RBM28: variants seen among roughly 807,000 people sequenced by gnomAD.
RBM28 encodes the protein RNA binding motif protein 28, also known as RNA-binding protein 28.
RBM28 carries 78 observed loss-of-function variants against 98.3 expected under a neutral mutation model. The observed-to-expected ratio is 0.79, with a 90% CI of 0.66 to 0.96. The LOEUF (loss-of-function observed/expected upper bound fraction) is 0.96. Ranked by LOEUF, RBM28 falls within the 40% of genes least tolerant of loss-of-function variation. The pLI is 0.00. For missense variants in RBM28, 838 were observed against 913.0 expected (o/e 0.92, Z 1.06); for synonymous variants, 306 against 330.9 (o/e 0.92, Z 0.82).
intron 8 of RBM28, 78 bp from the exon 9 acceptor site, chr7:128,333,440 T>A: frequency 8.1e-7 from 1 of 1,234,394 alleles, no homozygotes. Flanking sequence ...CTTAAGTACA[T>A]AAAGATAAGC....
At chr7:128,314,685 A>T in intron 17 of RBM28, 79 bp downstream of exon 17, 1 of 1,601,174 alleles carries the variant, frequency 6.2e-7, no homozygotes, top group Admixed American at 1.7e-5. Context: ...CAAATGCCAC[A>T]AAGAGAAAAT....
At chr7:128,337,826 G>A (rs1414351444) in intron 5 of RBM28, among the ~76,000 whole-genome samples, 1 of 152,122 alleles carries the variant, frequency 6.6e-6, no homozygotes, top group Non-Finnish European at 1.5e-5. Context: ...CTCCCAAAGT[G>A]CTAGGATTAC....
In RBM28 at chr7:128,299,095, G is replaced by T. The variant is rs1473550027; in HGVS notation, c.*11702C>A. 13 of 151,986 alleles carry T rather than the reference G, an allele frequency of 8.6e-5. No homozygotes were observed. Among genetic ancestry groups the T allele is most frequent in the Admixed American group, 8.5e-4 (13 of 15,250 alleles). 9.4% of individuals were successfully genotyped at this position (151,986 alleles called of 1,614,324 possible). A position where few individuals can be genotyped will look rare whatever the true frequency, so the allele number is the denominator to read the frequency against. On this transcript the variant is annotated 3_prime_UTR_variant, in exon 19 of 19. Coordinates refer to ENST00000223073, the MANE Select transcript of RBM28 (RefSeq NM_018077.3). ...GACACAGAGAAAACTATCTCTGCAA[G>T]AAGAGTTTGTTATGCAGTTCCCAGG...
intron 16 of RBM28, among the ~76,000 whole-genome samples, chr7:128,315,891 G>A (rs1796098455): frequency 6.6e-6 from 1 of 152,134 alleles, no homozygotes; most frequent in Admixed American, 6.5e-5. Context: ...GAAACTGATC[G>A]TTTTCAAGAA....
rs1164517054 is a variant in RBM28, at chr7:128,310,791, CCAT to C, written c.*3_*5del. 4 of 1,613,988 alleles carry C rather than the reference CCAT, an allele frequency of 2.5e-6. No individual in the cohort carries two copies. Among genetic ancestry groups the C allele is most frequent in the Admixed American group, 1.7e-5 (1 of 60,026 alleles). On this transcript the variant is annotated 3_prime_UTR_variant, in exon 19 of 19. Transcript: ENST00000223073. ...ACCCAGCTTCTTACCCAGCCTGCTGCCATCATCAACTATCAAACCATTTGCTCC... is the reference window on the plus strand; with the variant it reads ...ACCCAGCTTCTTACCCAGCCTGCTGCCATCAACTATCAAACCATTTGCTCC...
chr7:128,343,097 G>A (rs768886716), intron 1 of RBM28, among the ~76,000 whole-genome samples: 6 of 151,944 alleles, frequency 3.9e-5, no homozygotes, highest in Admixed American at 2.0e-4. Flanking sequence ...GATTTTTTTG[G>A]TTTGGTGTTG....
chr7:128,315,238 C>T (rs1423267600), intron 16 of RBM28, among the ~76,000 whole-genome samples: 1 of 152,150 alleles, frequency 6.6e-6, no homozygotes, highest in African/African-American at 2.4e-5. Flanking sequence ...ATTCCCCTTC[C>T]CATAACACAG....
chr7:128,322,561 AT>A (rs1382469489), intron 13 of RBM28, among the ~76,000 whole-genome samples: 2 of 152,184 alleles, frequency 1.3e-5, no homozygotes, highest in African/African-American at 4.8e-5. Context: ...TCAACAGACT[AT>A]TTTTCTGTCA....
At chr7:128,331,528 A>G (rs1329399703) in intron 9 of RBM28, among the ~76,000 whole-genome samples, 1 of 152,244 alleles carries the variant, frequency 6.6e-6, no homozygotes, top group African/African-American at 2.4e-5. Context: ...ACAGCAGACT[A>G]GTGAGAAAAG....
chr7:128,313,009 T>C, intron 18 of RBM28, 166 bp downstream of exon 18: 1 of 707,704 alleles, frequency 1.4e-6, no homozygotes, highest in Middle Eastern at 2.6e-4. Flanking sequence ...ATTTTACTTT[T>C]TTCTCTCCAC....
At chr7:128,321,017 T>G (rs1384037390) in intron 14 of RBM28, among the ~76,000 whole-genome samples, 1 of 152,136 alleles carries the variant, frequency 6.6e-6, no homozygotes, top group Non-Finnish European at 1.5e-5. Flanking sequence ...AATACAAAAA[T>G]TAGCCAGGCG....
intron 10 of RBM28, among the ~76,000 whole-genome samples, chr7:128,330,531 G>GCC (rs1796457207): frequency 6.6e-6 from 1 of 151,824 alleles, no homozygotes; most frequent in Non-Finnish European, 1.5e-5. Flanking sequence ...ACAGGTGCAC[G>GCC]CTGCTAATTT....
Position 128,308,351 on chromosome 7 carries a change from T to TTCTTTTGCTGTGC in RBM28, c.*2445_*2446insGCACAGCAAAAGA, listed in dbSNP as rs1554399017. The TTCTTTTGCTGTGC allele has an allele frequency of 5.3e-5, 8 of 152,250 alleles. No homozygotes were observed. The highest frequency in any genetic ancestry group is 1.2e-4 in the Non-Finnish European group (8 of 67,974). The allele number at this position is 152,250 out of a possible 1,614,324, so 9.4% of individuals were successfully genotyped here. A position where few individuals can be genotyped will look rare whatever the true frequency, so the allele number is the denominator to read the frequency against. On this transcript the variant is annotated 3_prime_UTR_variant, in exon 19 of 19. Transcript: ENST00000223073. Reference sequence around the variant, plus strand: ...AGTGTTAAGATATATTTTTGAATGTTAAAGATATTCGTGTACTAGGGAAAA... The same window carrying TTCTTTTGCTGTGC: ...AGTGTTAAGATATATTTTTGAATGTTTCTTTTGCTGTGCAAAGATATTCGTGTACTAGGGAAAA...
In RBM28 at chr7:128,310,221, G is replaced by A; in HGVS notation, c.*576C>T. The stretch of plus-strand genomic sequence containing the variant: ...ACACATAAGTGCTGCTCTCTGTCAG[G>A]CCCCACCTCCCCCCATTCTTTTCCA... On this transcript the variant is annotated 3_prime_UTR_variant, in exon 19 of 19. Transcript: ENST00000223073. The A allele has an allele frequency of 6.1e-6, 1 of 163,898 alleles. No individual in the cohort carries two copies. Among genetic ancestry groups the A allele is most frequent in the Non-Finnish European group, 1.3e-5 (1 of 74,972 alleles). 10.2% of individuals were successfully genotyped at this position (163,898 alleles called of 1,614,324 possible).
At chr7:128,343,088 A>AT (rs1562961493) in intron 1 of RBM28, among the ~76,000 whole-genome samples, 1 of 152,048 alleles carries the variant, frequency 6.6e-6, no homozygotes, top group African/African-American at 2.4e-5. Context: ...AAAATCAAAG[A>AT]TTTTTTTGGT....
Position 128,318,094 on chromosome 7 carries a change from G to C in RBM28, c.1576C>G (p.Arg526Gly), listed in dbSNP as rs755466553. ...GVRIKECRVM[R>G]DLKGVHGNMK... ...TTCCCATGAACTCCTTTGAGGTCTC[G>C]CATCACTCTACACTATGAGTAGAGC... Residue 526 changes from arginine to glycine, a missense_variant, in exon 15 of 19, where the codon CGA becomes GGA. Physicochemically the swap from Arg to Gly is moderately radical, Grantham distance 125. Transcript: ENST00000223073. The C allele has an allele frequency of 3.7e-6, 6 of 1,612,318 alleles. No individual in the cohort carries two copies. Among genetic ancestry groups the C allele is most frequent in the Non-Finnish European group, 5.1e-6 (6 of 1,178,382 alleles).
intron 13 of RBM28, among the ~76,000 whole-genome samples, chr7:128,322,022 T>G (rs1259901660): frequency 6.8e-6 from 1 of 146,210 alleles, no homozygotes; most frequent in Non-Finnish European, 1.5e-5. Context: ...CACTCCAGCC[T>G]GGGCAGCAAG....
chr7:128,328,125 A>G (rs1177550398), intron 10 of RBM28, among the ~76,000 whole-genome samples: 2 of 152,204 alleles, frequency 1.3e-5, no homozygotes, highest in African/African-American at 4.8e-5. Context: ...AACAGAATGA[A>G]TACCTCAGGA....
intron 9 of RBM28, among the ~76,000 whole-genome samples, chr7:128,332,208 C>G (rs574619726): frequency 6.6e-6 from 1 of 152,234 alleles, no homozygotes; most frequent in South Asian, 2.1e-4. Context: ...TTCAGTATAG[C>G]ATGTATAAAT....
Sources: gnomAD v4.1 joint callset for allele counts (sites outside exome capture counted in the v4.1 genomes callset) on GRCh38, gnomAD v4.1.1 for gene constraint, MANE v1.5 for transcripts, NCBI Gene and HGNC (gene_info 2026-07-23, HGNC 2026-07-21) for gene names.